Variants in CACNA1B observed in about 807,000 individuals in gnomAD.
CACNA1B encodes the protein calcium voltage-gated channel subunit alpha1 B.
Under a neutral mutation model 247.2 loss-of-function variants are expected in CACNA1B, and 70 were observed. The ratio of observed to expected loss-of-function variants is 0.28; its 90% CI spans 0.23 to 0.35. The LOEUF is 0.35. CACNA1B is among the 10% of genes least tolerant of loss of function. CACNA1B has a pLI of 1.00. For missense variants in CACNA1B, 2,367 were observed against 3,197.4 expected, an observed-to-expected ratio of 0.74 and a Z score of 6.26; for synonymous variants, 1,231 against 1,294.4, an observed-to-expected ratio of 0.95 and a Z score of 1.05.
chr9:138,023,500 C>T lies in CACNA1B; in HGVS notation c.2757C>T (p.His919=). 1 of 1,079,472 alleles carries T rather than the reference C, an allele frequency of 9.3e-7. No homozygotes were observed. Among genetic ancestry groups the T allele is most frequent in the Non-Finnish European group, 1.1e-6 (1 of 895,802 alleles). The allele number at this position is 1,079,472 out of a possible 1,614,324, so 66.9% of individuals were successfully genotyped here. A position where few individuals can be genotyped will look rare whatever the true frequency, so the allele number is the denominator to read the frequency against. The change falls in exon 19 of 47, where the codon CAC becomes CAT. Residue 919 remains histidine (H), a synonymous_variant. Transcript: ENST00000371372. ...GCCCCGAGGGCGGCCGGCGGCACCA[C>T]CGGCGCGGCTCCCCGGAGGAGGCGG... The part of the protein sequence containing the change: ...GPGPEGGRRH[H]RRGSPEEAAE...
chr9:137,963,466 C>T (rs1302795857), intron 10 of CACNA1B, among the ~76,000 whole-genome samples: 1 of 152,218 alleles, frequency 6.6e-6, no homozygotes, highest in African/African-American at 2.4e-5. Context: ...GTGATCTCAG[C>T]TCACTGCAAC....
In CACNA1B at chr9:138,058,979, A is replaced by T; in HGVS notation, c.4474-100A>T. The T allele has an allele frequency of 1.3e-6, 1 of 773,274 alleles. No homozygotes were observed. The highest frequency in any genetic ancestry group is 2.2e-6 in the Non-Finnish European group (1 of 446,412). The allele number at this position is 773,274 out of a possible 1,614,324, so 47.9% of individuals were successfully genotyped here. On this transcript the variant is annotated intron_variant, in intron 29 of 46. Coordinates refer to ENST00000371372, the MANE Select transcript of CACNA1B (RefSeq NM_000718.4). The surrounding 1 kb of genome is among the most constrained non-coding windows in gnomAD (Gnocchi z 4.7). ...AGGGGTGTCCCAGGCCTAGGCAGGC[A>T]TCGAGTTCTGTCTGCCCGCTTTGCT...
intron 42 of CACNA1B, among the ~76,000 whole-genome samples, chr9:138,116,451 C>T (rs557846950): frequency 5.9e-5 from 9 of 152,314 alleles, no homozygotes; most frequent in South Asian, 2.1e-4. Flanking sequence ...GGCTGACTCC[C>T]GAGCCGCTGG....
chr9:137,927,002 G>C (rs1458883845), intron 6 of CACNA1B, among the ~76,000 whole-genome samples: 2 of 152,002 alleles, frequency 1.3e-5, no homozygotes, highest in Non-Finnish European at 2.9e-5. Context: ...CTGAATTGAT[G>C]GTGTCATTTG....
chr9:137,937,112 A>G (rs1339789263), intron 6 of CACNA1B, among the ~76,000 whole-genome samples: 1 of 152,188 alleles, frequency 6.6e-6, no homozygotes, highest in Non-Finnish European at 1.5e-5. Context: ...CCTATCCACA[A>G]GCATGGAATG....
intron 39 of CACNA1B, among the ~76,000 whole-genome samples, chr9:138,107,257 T>TA (rs1961462667): frequency 5.8e-5 from 6 of 103,064 alleles, no homozygotes; most frequent in African/African-American, 2.7e-4. Context: ...TTTATTTATT[T>TA]ATTTATTTAT....
intron 3 of CACNA1B, among the ~76,000 whole-genome samples, chr9:137,898,174 G>C (rs1311756422): frequency 6.6e-6 from 1 of 152,192 alleles, no homozygotes; most frequent in Admixed American, 6.5e-5. Flanking sequence ...TTTATGATGA[G>C]AAATCTTCTG....
At chr9:138,068,531 G>A (rs12347462) in intron 31 of CACNA1B, 33 of 508,794 alleles carry the variant, frequency 6.5e-5, no homozygotes, top group Middle Eastern at 3.8e-4. Flanking sequence ...CGTCTCGCCC[G>A]GAAGCATTTA....
Position 138,054,391 on chromosome 9 carries a change from C to G in CACNA1B, c.3968+385C>G, listed in dbSNP as rs1470732366. ...TGCCCGATGGCTGGAGCTGCTGTCA[C>G]TGTCCACATGAGGCCTCAGAGCTTC... On this transcript the variant is annotated intron_variant, in intron 26 of 46. Coordinates refer to ENST00000371372, the MANE Select transcript of CACNA1B (RefSeq NM_000718.4). This position sits in a 1 kb window ranked among gnomAD's most constrained non-coding sequence, Gnocchi z 4.6. Among the ~76,000 whole-genome samples the G allele has an allele frequency of 6.6e-6, 1 of 152,244 alleles. No individual in the cohort carries two copies.
At chr9:137,900,849 CTGTGTCTGTGTCTGTGTGTCCT>C (rs1957229752) in intron 3 of CACNA1B, among the ~76,000 whole-genome samples, 2 of 142,022 alleles carry the variant, frequency 1.4e-5, no homozygotes, top group African/African-American at 5.3e-5. Context: ...CTGTGTGTCC[CTGTGTCTGTGTCTGTGTGTCCT>C]TGTGTCCGTG....
rs201132042 is a variant in CACNA1B, at chr9:137,894,260, G to A, written c.530+11377G>A. On this transcript the variant is annotated intron_variant, in intron 3 of 46. Transcript: ENST00000371372. The stretch of plus-strand genomic sequence containing the variant: ...TCACATTTCCAGCAGCACAGGAGCC[G>A]TCCCTTCTCCACAGCCTCGCCGGCA... Among the ~76,000 whole-genome samples, 25 of 149,254 alleles carry A rather than the reference G, an allele frequency of 1.7e-4. No individual in the cohort carries two copies. The East Asian group carries it at 3.5e-3, about 21-fold the overall frequency.
chr9:138,006,943 T>C, intron 16 of CACNA1B, 59 bp downstream of exon 16: 3 of 858,356 alleles, frequency 3.5e-6, no homozygotes, highest in Non-Finnish European at 5.9e-6. Context: ...CTCTTCTCCA[T>C]GGCCACCACG....
intron 3 of CACNA1B, among the ~76,000 whole-genome samples, chr9:137,901,201 G>T (rs551677013): frequency 6.7e-6 from 1 of 149,606 alleles, no homozygotes; most frequent in African/African-American, 2.5e-5. Context: ...TGTCTGTACT[G>T]TGTGTCTCTG....
intron 10 of CACNA1B, among the ~76,000 whole-genome samples, chr9:137,965,244 C>A (rs1175231410): frequency 6.6e-6 from 1 of 152,236 alleles, no homozygotes; most frequent in Non-Finnish European, 1.5e-5. Context: ...TTTGGAGATG[C>A]CTTCGTTCCC....
At chr9:137,942,936 A>G (rs1957750178) in intron 6 of CACNA1B, among the ~76,000 whole-genome samples, 1 of 151,922 alleles carries the variant, frequency 6.6e-6, no homozygotes, top group South Asian at 2.1e-4. Flanking sequence ...GTAACCAAAC[A>G]CCATCTGTTC....
At chr9:138,078,386 G>A (rs1960401101) in intron 36 of CACNA1B, 128 bp downstream of exon 36, 3 of 912,964 alleles carry the variant, frequency 3.3e-6, no homozygotes, top group Non-Finnish European at 5.0e-6. Flanking sequence ...CCATGCTGAT[G>A]GCCCTTGTTT....
intron 20 of CACNA1B, among the ~76,000 whole-genome samples, chr9:138,028,480 T>TA: frequency 6.6e-6 from 1 of 152,344 alleles, no homozygotes; most frequent in Non-Finnish European, 1.5e-5. Context: ...GATTACCAGT[T>TA]AAAATAGCTA....
chr9:138,110,554 C>T (rs1961591919), intron 39 of CACNA1B, among the ~76,000 whole-genome samples: 1 of 152,300 alleles, frequency 6.6e-6, no homozygotes, highest in East Asian at 1.9e-4. Flanking sequence ...AAGTGAGGCT[C>T]TGTCTCTACA....
intron 15 of CACNA1B, among the ~76,000 whole-genome samples, chr9:137,999,342 A>G (rs965423040): frequency 6.6e-6 from 1 of 152,200 alleles, no homozygotes; most frequent in Non-Finnish European, 1.5e-5. Flanking sequence ...TCTTTCCCAT[A>G]TTTGTAAGTT....
Sources: allele counts gnomAD v4.1 joint callset (sites outside exome capture counted in the v4.1 genomes callset), GRCh38; gene constraint gnomAD v4.1.1; non-coding constraint Gnocchi (gnomAD v3.1); transcripts MANE v1.5; gene names NCBI Gene and HGNC (gene_info 2026-07-23, HGNC 2026-07-21).